PROM1: variants seen among roughly 807,000 people sequenced by gnomAD.
PROM1 encodes prominin 1.
In PROM1, 105 loss-of-function variants were observed where a neutral mutation model predicts 116.9. The observed-to-expected ratio is 0.90, with a 90% CI of 0.77 to 1.06. The LOEUF is 1.06. PROM1 is among the 50% of genes least tolerant of loss of function. PROM1 has a pLI of 0.00. For missense variants in PROM1, 1,122 were observed against 1,045.2 expected (o/e 1.07, Z -1.01); for synonymous variants, 393 against 387.0 (o/e 1.02, Z -0.18).
chr4:16,050,124 G>A (rs1049986788), intron 2 of PROM1, among the ~76,000 whole-genome samples: 36 of 152,082 alleles, frequency 2.4e-4, no homozygotes, highest in Non-Finnish European at 3.7e-4. Context: ...AGCCGGGCGC[G>A]GTGGTGGGCA....
At chr4:15,992,826 T>A (rs1194830360) in intron 16 of PROM1, among the ~76,000 whole-genome samples, 2 of 152,120 alleles carry the variant, frequency 1.3e-5, no homozygotes, top group African/African-American at 4.8e-5. Flanking sequence ...AAGGGACCAG[T>A]ACACACAACA....
chr4:16,082,418 G>A (rs981323319), intron 1 of PROM1: 2 of 152,150 alleles, frequency 1.3e-5, no homozygotes, highest in Non-Finnish European at 2.9e-5. Flanking sequence ...CCGCCCTCAG[G>A]AACTCCAGCA....
intron 9 of PROM1, among the ~76,000 whole-genome samples, chr4:16,016,986 TC>T (rs1728559618): frequency 6.6e-6 from 1 of 152,210 alleles, no homozygotes; most frequent in African/African-American, 2.4e-5. Flanking sequence ...TCTGGAAAGA[TC>T]AACATTTGAA....
At chr4:16,075,587 A>C (rs1249442701) in intron 2 of PROM1, 100 bp downstream of exon 2, 3 of 1,200,884 alleles carry the variant, frequency 2.5e-6, no homozygotes, top group Non-Finnish European at 3.4e-6. Context: ...CAATCGCTAA[A>C]ATACTGAATA....
chr4:16,051,373 T>C (rs1464508877), intron 2 of PROM1, among the ~76,000 whole-genome samples: 2 of 152,246 alleles, frequency 1.3e-5, no homozygotes, highest in Non-Finnish European at 2.9e-5. Context: ...CTCTGTGCCT[T>C]CGTTTCCTCT....
intron 2 of PROM1, among the ~76,000 whole-genome samples, chr4:16,063,049 C>A (rs1740706943): frequency 6.6e-6 from 1 of 152,274 alleles, no homozygotes; most frequent in South Asian, 2.1e-4. Context: ...CAACCAGAAA[C>A]TATCCATCTC....
At chr4:15,999,714 T>A (rs184873602) in intron 14 of PROM1, among the ~76,000 whole-genome samples, 56 of 152,140 alleles carry the variant, frequency 3.7e-4, no homozygotes, top group African/African-American at 1.3e-3. Context: ...CAACTTAATC[T>A]CCCTCGACCA....
chr4:16,003,262 G>A, intron 13 of PROM1: 1 of 456,606 alleles, frequency 2.2e-6, no homozygotes, highest in South Asian at 1.5e-5. Flanking sequence ...CATGTAGGCT[G>A]TTTCCAGTGC....
At chr4:16,015,400 T>C (rs1728097575) in intron 10 of PROM1, among the ~76,000 whole-genome samples, 1 of 117,844 alleles carries the variant, frequency 8.5e-6, no homozygotes, top group Non-Finnish European at 1.8e-5. Context: ...CTTAAAAAAC[T>C]AAGTAGCGGC....
At chr4:16,064,416 A>C (rs552047235) in intron 2 of PROM1, among the ~76,000 whole-genome samples, 1 of 152,312 alleles carries the variant, frequency 6.6e-6, no homozygotes, top group South Asian at 2.1e-4. Context: ...TATACTACGG[A>C]AAGTCAGGCG....
chr4:16,003,194 T>C (rs7667618), intron 13 of PROM1: 44 of 425,826 alleles, frequency 1.0e-4, no homozygotes, highest in African/African-American at 8.5e-4. Flanking sequence ...TCAGGGGCCA[T>C]GTGATCTTCC....
rs377309355 is a variant in PROM1, at chr4:15,994,207, C to A, written c.1683-136G>T. The A allele has an allele frequency of 1.6e-5, 23 of 1,480,070 alleles. No homozygotes were observed. In the East Asian group the frequency reaches 2.9e-4, roughly 19 times the overall value. 91.7% of individuals were successfully genotyped at this position (1,480,070 alleles called of 1,614,324 possible). A position where few individuals can be genotyped will look rare whatever the true frequency, so the allele number is the denominator to read the frequency against. ...ACACAGAAGTGGGGCTGCATGTCCC[C>A]AGTGGCCACACAAATCCCCCAGCAC... is the stretch of plus-strand genomic sequence containing the variant. On this transcript the variant is annotated intron_variant, in intron 15 of 27. Transcript: ENST00000447510.
chr4:16,004,832 TC>T (rs1724820677), intron 13 of PROM1, among the ~76,000 whole-genome samples: 1 of 122,506 alleles, frequency 8.2e-6, no homozygotes. Flanking sequence ...TCTTTCTTTT[TC>T]TTCCTTCCTT....
chr4:16,027,297 A>AACACAC (rs144910885), intron 5 of PROM1, among the ~76,000 whole-genome samples: 113 of 147,234 alleles, frequency 7.7e-4, no homozygotes, highest in Middle Eastern at 6.8e-3. Context: ...GTGAAGAAGA[A>AACACAC]ACACACACAC....
chr4:16,022,831 T>C (rs1039669471), intron 8 of PROM1, among the ~76,000 whole-genome samples: 5 of 152,210 alleles, frequency 3.3e-5, no homozygotes, highest in Non-Finnish European at 5.9e-5. Flanking sequence ...TCTAAGTTTC[T>C]CTTTCAGGAA....
intron 11 of PROM1, among the ~76,000 whole-genome samples, chr4:16,009,593 C>T (rs1726373476): frequency 6.6e-6 from 1 of 152,152 alleles, no homozygotes; most frequent in African/African-American, 2.4e-5. Context: ...TCTAACGTCC[C>T]CCTTACATGC....
intron 23 of PROM1, among the ~76,000 whole-genome samples, chr4:15,981,504 G>T (rs921073375): frequency 6.6e-6 from 1 of 151,544 alleles, no homozygotes; most frequent in Non-Finnish European, 1.5e-5. Flanking sequence ...CCCAGGAGGC[G>T]GAGGTTGCAG....
At chr4:15,985,124 T>C (rs756811836) in intron 22 of PROM1, among the ~76,000 whole-genome samples, 24 of 152,196 alleles carry the variant, frequency 1.6e-4, no homozygotes, top group Non-Finnish European at 2.8e-4. Flanking sequence ...TTACTGAACA[T>C]GTACAGACTT....
intron 8 of PROM1, among the ~76,000 whole-genome samples, chr4:16,019,871 T>TACACACACACACACAC (rs3040447): frequency 4.0e-5 from 6 of 148,168 alleles, no homozygotes; most frequent in Non-Finnish European, 6.0e-5. Flanking sequence ...GTGTTAAAAA[T>TACACACACACACACAC]ACACACACAC....
Sources: allele counts gnomAD v4.1 joint callset (sites outside exome capture counted in the v4.1 genomes callset), GRCh38; gene constraint gnomAD v4.1.1; transcripts MANE v1.5; gene names NCBI Gene and HGNC (gene_info 2026-07-23, HGNC 2026-07-21).